The following ABCC1 variants were observed in gnomAD, a reference collection of about 807,000 sequenced individuals.
ABCC1 encodes multidrug resistance-associated protein 1.
ABCC1 carries 83 observed loss-of-function variants against 172.9 expected under a neutral mutation model. The ratio of observed to expected loss-of-function variants is 0.48; its 90% CI spans 0.40 to 0.58. The LOEUF is 0.58. Among genes scored for constraint, ABCC1 ranks in the 20% least tolerant of loss-of-function variants. ABCC1 has a pLI of 0.00. For missense variants in ABCC1, 1,817 were observed against 2,002.7 expected (o/e 0.91, Z 1.77); for synonymous variants, 937 against 825.2 (o/e 1.14, Z -2.32).
chr16:16,068,092 C>A, intron 12 of ABCC1, 64 bp from the exon 13 acceptor site: 1 of 1,598,442 alleles, frequency 6.3e-7, no homozygotes, highest in Non-Finnish European at 8.5e-7. Flanking sequence ...GGGCCTGTCA[C>A]TGCTCCTAGG....
intron 27 of ABCC1, 106 bp downstream of exon 27, chr16:16,132,041 C>T (rs980265895): frequency 1.4e-6 from 2 of 1,411,720 alleles, no homozygotes; most frequent in Non-Finnish European, 1.9e-6. Context: ...CACGGCTCCA[C>T]ACCTTTGCTT....
intron 1 of ABCC1, among the ~76,000 whole-genome samples, chr16:15,982,825 G>C (rs12917672): frequency 3.4e-5 from 2 of 58,966 alleles, no homozygotes; most frequent in African/African-American, 4.6e-5. Flanking sequence ...AAAAAAAAAA[G>C]GAAATCCATT....
intron 12 of ABCC1, among the ~76,000 whole-genome samples, chr16:16,064,773 C>G (rs1461947241): frequency 6.6e-6 from 1 of 152,228 alleles, no homozygotes; most frequent in Admixed American, 6.5e-5. Flanking sequence ...GATCTGGGCT[C>G]TGTCCTAGGC....
intron 1 of ABCC1, among the ~76,000 whole-genome samples, chr16:15,987,170 AAG>A (rs931268344): frequency 5.3e-4 from 81 of 152,260 alleles, no homozygotes; most frequent in African/African-American, 9.9e-4. Context: ...GTGTCAGAAA[AAG>A]AGAGAATGTG....
rs1364698389 is a variant in ABCC1 at position 16,033,745 on chromosome 16, TC to T, written c.677+578del. ...TTCAAGCGATTCTCCTGCCTCAGCC[TC>T]CCAGGTAGCTGGGATTACAGGCTTG... On this transcript the variant is annotated intron_variant, in intron 6 of 30. Transcript: ENST00000399410. 1.1e-4 allele frequency among the ~76,000 whole-genome samples: 16 copies of T among 152,106 alleles called. No homozygotes were observed. The East Asian group carries it at 2.8e-3, about 26-fold the overall frequency.
At chr16:16,026,465 C>CTTTTTTTTTTTTTT (rs1157942197) in intron 5 of ABCC1, among the ~76,000 whole-genome samples, 6 of 95,498 alleles carry the variant, frequency 6.3e-5, no homozygotes, top group African/African-American at 2.5e-4. Context: ...AGGCTATTTC[C>CTTTTTTTTTTTTTT]TTTTTTTTTT....
intron 12 of ABCC1, 74 bp from the exon 13 acceptor site, chr16:16,068,076 TCTCCAG>T: frequency 6.4e-7 from 1 of 1,565,638 alleles, no homozygotes; most frequent in African/African-American, 1.3e-5. Flanking sequence ...CCCAAGCGCG[TCTCCAG>T]GGCCTGTCAC....
chr16:16,102,022 C>T (rs2051776825), intron 19 of ABCC1, among the ~76,000 whole-genome samples: 1 of 152,072 alleles, frequency 6.6e-6, no homozygotes, highest in Admixed American at 6.6e-5. Flanking sequence ...ACTTGGTTCC[C>T]CAGTTCAAAT....
At chr16:16,100,510 A>C (rs989780128) in intron 19 of ABCC1, among the ~76,000 whole-genome samples, 1 of 152,202 alleles carries the variant, frequency 6.6e-6, no homozygotes, top group Non-Finnish European at 1.5e-5. Context: ...CTGCATGGGA[A>C]GTCCTGCTTG....
rs780192993 is a variant in ABCC1 at position 16,125,817 on chromosome 16, C to T, written c.3725C>T (p.Thr1242Met). The T allele has an allele frequency of 6.2e-6, 10 of 1,612,950 alleles. No homozygotes were observed. Among genetic ancestry groups the T allele is most frequent in the Middle Eastern group, 3.3e-4 (2 of 6,074 alleles). The stretch of plus-strand genomic sequence containing the variant: ...TGACTCTTCCACTCACAGGTCACCA[C>T]GTACTTGAACTGGCTGGTTCGGATG... ...LSVSYSLQVTTYLNWLVRMSS... is the reference protein window; with the variant it reads ...LSVSYSLQVTMYLNWLVRMSS... The change falls in exon 26 of 31, where the codon ACG becomes ATG. Residue 1242 changes from threonine (T) to methionine (M), a missense_variant. Physicochemically the swap from Thr to Met is moderately conservative, Grantham distance 81 (BLOSUM62 -1). This residue lies in a region of ABCC1 where 1,412 missense variants were observed against 1,600.3 expected (regional missense o/e 0.88). Transcript: ENST00000399410.
chr16:16,038,793 C>T (rs1012547815), intron 7 of ABCC1, among the ~76,000 whole-genome samples: 4 of 152,176 alleles, frequency 2.6e-5, no homozygotes, highest in Non-Finnish European at 5.9e-5. Context: ...CATTCCTCAT[C>T]ATCCACGCCT....
intron 13 of ABCC1, among the ~76,000 whole-genome samples, chr16:16,070,151 G>A (rs1246785592): frequency 6.6e-6 from 1 of 152,132 alleles, no homozygotes; most frequent in East Asian, 1.9e-4. Flanking sequence ...GGAGGCTGAG[G>A]TGGTAGGATT....
At chr16:16,097,205 T>G (rs908879906) in intron 19 of ABCC1, among the ~76,000 whole-genome samples, 1 of 152,126 alleles carries the variant, frequency 6.6e-6, no homozygotes, top group African/African-American at 2.4e-5. Flanking sequence ...CTCCACCTCC[T>G]GGGTCCAAGT....
At chr16:16,037,921 C>A (rs1028497282) in intron 7 of ABCC1, among the ~76,000 whole-genome samples, 1 of 152,154 alleles carries the variant, frequency 6.6e-6, no homozygotes, top group African/African-American at 2.4e-5. Context: ...GCAGATAGAG[C>A]TTGGGCCTCT....
At chr16:16,133,257 G>C (rs1286893235) in intron 27 of ABCC1, among the ~76,000 whole-genome samples, 1 of 152,128 alleles carries the variant, frequency 6.6e-6, no homozygotes, top group East Asian at 1.9e-4. Flanking sequence ...TGAACATATG[G>C]ACTTATTGAA....
At chr16:16,076,092 C>T (rs2050553131) in intron 14 of ABCC1, 3 of 525,214 alleles carry the variant, frequency 5.7e-6, no homozygotes, top group Non-Finnish European at 9.9e-6. Flanking sequence ...CCCCATCTTA[C>T]AAGGACAAAG....
chr16:16,052,684 C>G, intron 10 of ABCC1, 40 bp from the exon 11 acceptor site: 1 of 1,601,046 alleles, frequency 6.2e-7, no homozygotes, highest in Non-Finnish European at 8.6e-7. Flanking sequence ...CTGTTTTCTT[C>G]TGTCTGGTGA....
intron 1 of ABCC1, among the ~76,000 whole-genome samples, chr16:15,957,726 GGGACTACA>G (rs1411659760): frequency 6.6e-6 from 1 of 152,156 alleles, no homozygotes; most frequent in African/African-American, 2.4e-5. Context: ...CCCAGTAGCT[GGGACTACA>G]GGGGCACGCC....
At chr16:16,016,389 G>A in intron 4 of ABCC1, 107 bp from the exon 5 acceptor site, 5 of 1,381,048 alleles carry the variant, frequency 3.6e-6, no homozygotes, top group Non-Finnish European at 5.0e-6. Context: ...CTTGACCTCA[G>A]GTGTTCTGCC....
Sources: gnomAD v4.1 joint callset for allele counts (sites outside exome capture counted in the v4.1 genomes callset) on GRCh38, gnomAD v4.1.1 for gene constraint, gnomAD v4.1.1 regional missense constraint, MANE v1.5 for transcripts, NCBI Gene and HGNC (gene_info 2026-07-23, HGNC 2026-07-21) for gene names.